The following SEMA4D variants were observed in gnomAD, a reference collection of about 807,000 sequenced individuals.
SEMA4D encodes semaphorin 4D.
Under a neutral mutation model 74.8 loss-of-function variants are expected in SEMA4D, and 22 were observed. That is an observed-to-expected ratio of 0.29 (90% CI 0.21 to 0.42). SEMA4D has a LOEUF of 0.42. SEMA4D is among the 10% of genes least tolerant of loss of function. SEMA4D has a pLI of 1.00. For missense variants in SEMA4D, 937 were observed against 1,118.4 expected (o/e 0.84, Z 2.31); for synonymous variants, 445 against 463.7 (o/e 0.96, Z 0.52).
At chr9:89,420,291 C>A (rs747705914) in intron 2 of SEMA4D, among the ~76,000 whole-genome samples, 1 of 152,218 alleles carries the variant, frequency 6.6e-6, no homozygotes, top group Non-Finnish European at 1.5e-5. Context: ...TCTTTCTCAG[C>A]GTGCAACCCC....
intron 2 of SEMA4D, among the ~76,000 whole-genome samples, chr9:89,424,972 T>C (rs2134360318): frequency 6.6e-6 from 1 of 152,250 alleles, no homozygotes; most frequent in African/African-American, 2.4e-5. Flanking sequence ...CAGCCCCCAA[T>C]CTAGTGTCCC....
At chr9:89,372,740 CTT>C (rs1011744633), downstream of SEMA4D, among the ~76,000 whole-genome samples, 44 of 152,162 alleles carry the variant, frequency 2.9e-4, no homozygotes, top group African/African-American at 1.0e-3. Context: ...GCCCACCCCT[CTT>C]GTCACTGAGC....
chr9:89,370,037 CTG>C (rs936603810), intron 16 of SEMA4D, among the ~76,000 whole-genome samples: 17 of 149,728 alleles, frequency 1.1e-4, no homozygotes, highest in African/African-American at 2.2e-4. Context: ...GTATGCTGTG[CTG>C]TGTGTGGTGC....
intron 2 of SEMA4D, among the ~76,000 whole-genome samples, chr9:89,446,368 G>A (rs931394736): frequency 6.6e-6 from 1 of 152,138 alleles, no homozygotes; most frequent in African/African-American, 2.4e-5. Flanking sequence ...AGGCTCCAAG[G>A]GTTAGAACCT....
intron 5 of SEMA4D, among the ~76,000 whole-genome samples, chr9:89,397,742 A>G (rs964667729): frequency 6.6e-6 from 1 of 152,234 alleles, no homozygotes; most frequent in Non-Finnish European, 1.5e-5. Context: ...CAAAGACTTC[A>G]GTGCAAGTGT....
At chr9:89,461,700 C>CTCTCTCTCTTTT (rs71281350) in intron 1 of SEMA4D, among the ~76,000 whole-genome samples, 6 of 103,646 alleles carry the variant, frequency 5.8e-5, no homozygotes, top group Admixed American at 1.1e-4. Flanking sequence ...TCTTTTTTCT[C>CTCTCTCTCTTTT]TTTTTTTTTT....
intron 2 of SEMA4D, chr9:89,450,341 T>G: frequency 1.1e-6 from 1 of 939,500 alleles, no homozygotes; most frequent in Non-Finnish European, 1.8e-6. Context: ...AAATGAAAAC[T>G]TGACATGCCT....
chr9:89,455,010 A>G (rs1347674207), intron 2 of SEMA4D, among the ~76,000 whole-genome samples: 3 of 152,270 alleles, frequency 2.0e-5, no homozygotes, highest in Admixed American at 2.0e-4. Flanking sequence ...GCAGCCCTGC[A>G]GGGCAGGCAG....
chr9:89,480,983 C>A (rs891240019), intron 1 of SEMA4D, among the ~76,000 whole-genome samples: 1 of 152,246 alleles, frequency 6.6e-6, no homozygotes, highest in Non-Finnish European at 1.5e-5. Flanking sequence ...TCACCTCTCA[C>A]TATCAGTACA....
chr9:89,388,516 T>C (rs1839069648), intron 11 of SEMA4D, 120 bp downstream of exon 11: 1 of 1,244,602 alleles, frequency 8.0e-7, no homozygotes, highest in Non-Finnish European at 1.1e-6. Flanking sequence ...CCTGTCCCAA[T>C]GCAGAGAGCC....
rs573953986 is a variant in SEMA4D, at chr9:89,482,040, G to A, written c.-310+15879C>T. On this transcript the variant is annotated intron_variant, in intron 1 of 15. Transcript: ENST00000422704. ...TCCAAGAGGGGAAAGGAGGCAGGGAGAGGGGTCACCGCCCAGACGGGTGAG... is the reference window on the plus strand; with the variant it reads ...TCCAAGAGGGGAAAGGAGGCAGGGAAAGGGGTCACCGCCCAGACGGGTGAG... 7.9e-5 allele frequency among the ~76,000 whole-genome samples: 12 copies of A among 152,358 alleles called. No homozygotes were observed. In the South Asian group the frequency reaches 2.3e-3, roughly 29 times the overall value.
intron 2 of SEMA4D, among the ~76,000 whole-genome samples, chr9:89,446,608 G>A (rs1459887600): frequency 6.6e-6 from 1 of 152,212 alleles, no homozygotes; most frequent in African/African-American, 2.4e-5. Flanking sequence ...CTGCCTCCCA[G>A]GACTTCTCCA....
chr9:89,418,219 G>A, intron 2 of SEMA4D: 3 of 726,902 alleles, frequency 4.1e-6, no homozygotes, highest in Non-Finnish European at 5.1e-6. Context: ...AAATTATTGT[G>A]AGTTTAAACC....
intron 2 of SEMA4D, among the ~76,000 whole-genome samples, chr9:89,421,390 G>A (rs1338450806): frequency 1.3e-5 from 2 of 152,218 alleles, no homozygotes; most frequent in East Asian, 3.8e-4. Flanking sequence ...TGGCTACAAA[G>A]TACACAGACA....
intron 1 of SEMA4D, among the ~76,000 whole-genome samples, chr9:89,494,399 G>A (rs780646305): frequency 2.8e-4 from 42 of 152,246 alleles, no homozygotes; most frequent in Non-Finnish European, 5.4e-4. Context: ...CTGGGGCAGC[G>A]CCTGGCACCA....
At chr9:89,407,742 T>G (rs993559673) in intron 2 of SEMA4D, among the ~76,000 whole-genome samples, 1 of 152,088 alleles carries the variant, frequency 6.6e-6, no homozygotes, top group Non-Finnish European at 1.5e-5. Context: ...TCATCCACAC[T>G]CCCTCCACTG....
At chr9:89,432,172 A>G (rs529044169) in intron 2 of SEMA4D, among the ~76,000 whole-genome samples, 1 of 152,222 alleles carries the variant, frequency 6.6e-6, no homozygotes, top group Non-Finnish European at 1.5e-5. Flanking sequence ...GCTTCCATCC[A>G]TAAGACAGAG....
intron 2 of SEMA4D, among the ~76,000 whole-genome samples, chr9:89,454,777 G>T (rs1267884539): frequency 1.3e-5 from 2 of 152,210 alleles, no homozygotes; most frequent in African/African-American, 4.8e-5. Context: ...TCCCATGCCA[G>T]CCCAGGCCAC....
rs777826541 is a variant in SEMA4D at position 89,363,873 on chromosome 9, G to GT, written c.1959dup (p.Leu654ThrfsTer21). The GT allele has an allele frequency of 1.2e-5, 20 of 1,614,150 alleles. No individual in the cohort carries two copies. Among genetic ancestry groups the GT allele is most frequent in the Admixed American group, 1.7e-5 (1 of 60,030 alleles). On this transcript the variant is annotated frameshift_variant, in exon 17 of 19. Transcript: ENST00000339861. LOFTEE classifies it high-confidence loss of function. The stretch of plus-strand genomic sequence containing the variant: ...AGTGCATGGGCCCTGCCATCGGGCA[G>GT]TGCATGGGTCTGCACAGGGACACAG...
Sources: allele counts gnomAD v4.1 joint callset (sites outside exome capture counted in the v4.1 genomes callset), GRCh38; gene constraint gnomAD v4.1.1; transcripts MANE v1.5; gene names NCBI Gene and HGNC (gene_info 2026-07-23, HGNC 2026-07-21).